The following SPTBN4 variants were observed in gnomAD, a reference collection of about 807,000 sequenced individuals.
SPTBN4 encodes the protein spectrin beta, non-erythrocytic 4.
SPTBN4 carries 96 observed loss-of-function variants against 277.8 expected under a neutral mutation model. The ratio of observed to expected loss-of-function variants is 0.35; its 90% CI spans 0.29 to 0.41. SPTBN4 has a LOEUF of 0.41. SPTBN4 is among the 10% of genes least tolerant of loss of function. SPTBN4 has a pLI of 1.00. For missense variants in SPTBN4, 3,006 were observed against 3,595.7 expected, an observed-to-expected ratio of 0.84 and a Z score of 4.19; for synonymous variants, 1,481 against 1,580.3, an observed-to-expected ratio of 0.94 and a Z score of 1.49.
Position 40,518,072 on chromosome 19 carries a change from G to A in SPTBN4, c.2904-1329G>A, listed in dbSNP as rs545266871. ...TGTAATCCTAGCATTTTGGGAGGCC[G>A]AGGCAAGCAGATCACTTGAGGTCAG... On this transcript the variant is annotated intron_variant, in intron 15 of 35. Coordinates refer to ENST00000598249, the MANE Select transcript of SPTBN4 (RefSeq NM_020971.3). 1.9e-4 allele frequency among the ~76,000 whole-genome samples: 29 copies of A among 152,322 alleles called. No homozygotes were observed. The South Asian group carries it at 5.4e-3, about 28-fold the overall frequency.
At chr19:40,553,637 T>G (rs2080943003) in intron 22 of SPTBN4, among the ~76,000 whole-genome samples, 1 of 152,180 alleles carries the variant, frequency 6.6e-6, no homozygotes, top group Admixed American at 6.5e-5. Flanking sequence ...AATAAGGTAC[T>G]CTGCAAGTAC....
rs1322445102 is a variant in SPTBN4, at chr19:40,560,032, G to T, written c.5671-127G>T. ...AAATCAGGCAGCAGATATGACAGGA[G>T]CCTGGCTGTGGGATCACAGTGTGAG... On this transcript the variant is annotated intron_variant, in intron 26 of 35. Coordinates refer to ENST00000598249, the MANE Select transcript of SPTBN4 (RefSeq NM_020971.3). This position sits in a 1 kb window ranked among gnomAD's most constrained non-coding sequence, Gnocchi z 5.2. 1 of 1,432,562 alleles carries T rather than the reference G, an allele frequency of 7.0e-7. No homozygotes were observed. The highest frequency in any genetic ancestry group is 1.4e-5 in the African/African-American group (1 of 69,772). 88.7% of individuals were successfully genotyped at this position (1,432,562 alleles called of 1,614,324 possible).
Position 40,496,990 on chromosome 19 carries a change from T to C in SPTBN4, c.669-499T>C, listed in dbSNP as rs538744563. Among the ~76,000 whole-genome samples, 10 of 150,548 alleles carry C rather than the reference T, an allele frequency of 6.6e-5. No homozygotes were observed. The South Asian group carries it at 2.1e-3, about 32-fold the overall frequency. On this transcript the variant is annotated intron_variant, in intron 6 of 35. Transcript: ENST00000598249. Reference sequence around the variant, plus strand: ...TGGGAGGCTGAGGCAGGAGAATTGCTTGAACCTCGGAGGCGGAGGTTGCAG... The same window carrying C: ...TGGGAGGCTGAGGCAGGAGAATTGCCTGAACCTCGGAGGCGGAGGTTGCAG...
At chr19:40,481,915 T>G (rs2080016405) in intron 2 of SPTBN4, among the ~76,000 whole-genome samples, 1 of 152,040 alleles carries the variant, frequency 6.6e-6, no homozygotes. Context: ...CAAATATCCT[T>G]TAGTGAGATG....
chr19:40,490,915 GC>G lies in SPTBN4; in HGVS notation c.495+669del, dbSNP rs2080129394. ...AAATTAGCCAGGCATGGTGGTGCAT[GC>G]CTGTGGTCCCAGCTACTCAGGAGGC... On this transcript the variant is annotated intron_variant, in intron 4 of 35. Coordinates refer to ENST00000598249, the MANE Select transcript of SPTBN4 (RefSeq NM_020971.3). The surrounding 1 kb of genome is among the most constrained non-coding windows in gnomAD (Gnocchi z 4.3). Among the ~76,000 whole-genome samples, 2 of 152,076 alleles carry G rather than the reference GC, an allele frequency of 1.3e-5. No homozygotes were observed. Among genetic ancestry groups the G allele is most frequent in the Non-Finnish European group, 2.9e-5 (2 of 68,026 alleles).
At chr19:40,566,452 G>A in intron 30 of SPTBN4, 93 bp downstream of exon 30, 1 of 1,230,656 alleles carries the variant, frequency 8.1e-7, no homozygotes, top group South Asian at 1.7e-5. Context: ...GAGACATGGT[G>A]CTTGGTCCTG....
chr19:40,557,777 G>A (rs1431361062), intron 26 of SPTBN4, among the ~76,000 whole-genome samples: 1 of 151,956 alleles, frequency 6.6e-6, no homozygotes, highest in Non-Finnish European at 1.5e-5. Context: ...AATTAGCCAG[G>A]TCTGGTGGCG....
chr19:40,479,095 T>A (rs2079980530), intron 2 of SPTBN4, among the ~76,000 whole-genome samples: 1 of 151,944 alleles, frequency 6.6e-6, no homozygotes, highest in African/African-American at 2.4e-5. Flanking sequence ...TCTCTCATGG[T>A]TTTTCTCCCG....
At chr19:40,470,134 G>C (rs1161672932) in intron 1 of SPTBN4, among the ~76,000 whole-genome samples, 2 of 151,838 alleles carry the variant, frequency 1.3e-5, no homozygotes, top group Non-Finnish European at 2.9e-5. Context: ...GAGTAGCTGG[G>C]ATTATAGGTG....
At chr19:40,567,274 G>C (rs1349506931) in intron 30 of SPTBN4, 1 of 235,004 alleles carries the variant, frequency 4.3e-6, no homozygotes, top group Non-Finnish European at 9.1e-6. Context: ...ACTCCAGCCT[G>C]GGCGACAGAG....
chr19:40,472,128 C>T (rs529208103), intron 1 of SPTBN4, among the ~76,000 whole-genome samples: 14 of 151,882 alleles, frequency 9.2e-5, no homozygotes, highest in Non-Finnish European at 1.8e-4. Flanking sequence ...AGGCTGATCT[C>T]GAACTCCCAA....
rs77273945 is a variant in SPTBN4, at chr19:40,510,647, G to C, written c.1817-1959G>C. On this transcript the variant is annotated intron_variant, in intron 13 of 35. Transcript: ENST00000598249. Reference sequence around the variant, plus strand: ...ACTATTATTCAGTTGGATACCTTGTGGTTTGAGTCAACATCAGCGAATGTC... The same window carrying C: ...ACTATTATTCAGTTGGATACCTTGTCGTTTGAGTCAACATCAGCGAATGTC... Among the ~76,000 whole-genome samples, 109 of 152,246 alleles carry C rather than the reference G, an allele frequency of 7.2e-4. 1 individual carries two copies. Among genetic ancestry groups the C allele is most frequent in the African/African-American group, 2.6e-3 (106 of 41,560 alleles).
At chr19:40,528,305 G>T (rs2080619033) in intron 17 of SPTBN4, among the ~76,000 whole-genome samples, 1 of 152,160 alleles carries the variant, frequency 6.6e-6, no homozygotes, top group Non-Finnish European at 1.5e-5. Context: ...CATGGTCCCA[G>T]CCGGCTCCAG....
At chr19:40,504,662 C>T (rs1490992135) in intron 12 of SPTBN4, among the ~76,000 whole-genome samples, 6 of 146,444 alleles carry the variant, frequency 4.1e-5, no homozygotes, top group African/African-American at 1.5e-4. Flanking sequence ...GAGCGAGACT[C>T]CGTCTCAAAA....
At chr19:40,549,450 G>T in intron 21 of SPTBN4, 37 bp downstream of exon 21, 1 of 1,233,910 alleles carries the variant, frequency 8.1e-7, no homozygotes, top group South Asian at 1.7e-5. Flanking sequence ...GGGGCGGGGC[G>T]GGGCGGTGGG....
Position 40,472,736 on chromosome 19 carries a change from G to T in SPTBN4, c.115G>T (p.Ala39Ser), listed in dbSNP as rs201023290. The T allele has an allele frequency of 6.0e-5, 97 of 1,607,346 alleles. 1 individual carries two copies. In the African/African-American group the frequency reaches 1.2e-3, roughly 20 times the overall value. Residue 39 changes from alanine to serine, a missense_variant, in exon 2 of 36, where the codon GCG becomes TCG. Around this residue, in one of 5 missense-constraint regions of SPTBN4, gnomAD observed 78 missense variants for 65.7 expected, o/e 1.19. Coordinates refer to ENST00000598249, the MANE Select transcript of SPTBN4 (RefSeq NM_020971.3). ...GGGCTGGGAGCGGGAGCAGCCGGCTGCGTCCACCGCAGCGGCCTCGCTCTT... is the reference window on the plus strand; with the variant it reads ...GGGCTGGGAGCGGGAGCAGCCGGCTTCGTCCACCGCAGCGGCCTCGCTCTT... ...DRGWEREQPA[A>S]STAAASLFEC... is the part of the protein sequence containing the mutation.
rs540418217 is a variant in SPTBN4 at position 40,522,087 on chromosome 19, C to T, written c.3655-1350C>T. On this transcript the variant is annotated intron_variant, in intron 16 of 35. Coordinates refer to ENST00000598249, the MANE Select transcript of SPTBN4 (RefSeq NM_020971.3). ...TGTCACCCGGGCCAGAGTACAGTGG[C>T]ACGATCATGACTCACTGCAGCCTTG... Among the ~76,000 whole-genome samples, 39 of 152,318 alleles carry T rather than the reference C, an allele frequency of 2.6e-4. No homozygotes were observed. In the South Asian group the frequency reaches 7.9e-3, roughly 31 times the overall value.
In SPTBN4 at chr19:40,515,317, G is replaced by A. The variant is rs2080441422; in HGVS notation, c.2772G>A (p.Glu924=). 6.2e-7 allele frequency: 1 copy of A among 1,612,686 alleles called. No homozygotes were observed. The highest frequency in any genetic ancestry group is 1.3e-5 in the African/African-American group (1 of 74,886). Residue 924 remains glutamate, a synonymous_variant, in exon 15 of 36, where the codon GAG becomes GAA. Transcript: ENST00000598249. This position sits in a 1 kb window ranked among gnomAD's most constrained non-coding sequence, Gnocchi z 4.1. ...DDVEVVQHRF[E]SLDQEMNSLM... is the part of the protein sequence containing the mutation. Reference sequence around the variant, plus strand: ...CATCTCCATCCTCCTGCAGATTCGAGAGCCTGGACCAAGAGATGAACAGCC... The same window carrying A: ...CATCTCCATCCTCCTGCAGATTCGAAAGCCTGGACCAAGAGATGAACAGCC...
chr19:40,502,361 GC>G lies in SPTBN4; in HGVS notation c.1086-28del, dbSNP rs1399945868. ...GAGGGTGGGCAGGGGTGGCATGACG[GC>G]AGGGCTCCTGAGCTCATGCCCCTTC... On this transcript the variant is annotated intron_variant, in intron 9 of 35. Transcript: ENST00000598249. The surrounding 1 kb of genome is among the most constrained non-coding windows in gnomAD (Gnocchi z 4.9). 1 of 1,609,300 alleles carries G rather than the reference GC, an allele frequency of 6.2e-7. No homozygotes were observed. The highest frequency in any genetic ancestry group is 8.5e-7 in the Non-Finnish European group (1 of 1,177,226).
Sources: allele counts gnomAD v4.1 joint callset (sites outside exome capture counted in the v4.1 genomes callset), GRCh38; gene constraint gnomAD v4.1.1; regional missense constraint gnomAD v4.1.1; non-coding constraint Gnocchi (gnomAD v3.1); transcripts MANE v1.5; gene names NCBI Gene and HGNC (gene_info 2026-07-23, HGNC 2026-07-21).